EFCAB8: variants seen among roughly 807,000 people sequenced by gnomAD.
The protein encoded by EFCAB8 is EF-hand calcium binding domain 8.
In EFCAB8, 100 loss-of-function variants were observed where a neutral mutation model predicts 116.3. The ratio of observed to expected loss-of-function variants is 0.86; its 90% CI spans 0.73 to 1.02. The LOEUF (loss-of-function observed/expected upper bound fraction) is 1.02. Ranked by LOEUF, EFCAB8 falls within the 50% of genes least tolerant of loss-of-function variation. EFCAB8 has a pLI of 0.00. For synonymous variants in EFCAB8, 558 were observed against 567.9 expected (o/e 0.98, Z 0.25); for missense variants, 1,320 against 1,416.9 (o/e 0.93, Z 1.10).
intron 15 of EFCAB8, among the ~76,000 whole-genome samples, chr20:32,910,894 C>A (rs1315923362): frequency 1.3e-5 from 2 of 151,916 alleles, no homozygotes; most frequent in Non-Finnish European, 2.9e-5. Flanking sequence ...TGCACCACCA[C>A]CCCCAGCTAA....
chr20:32,872,403 T>A (rs187563558), intron 3 of EFCAB8, among the ~76,000 whole-genome samples: 7 of 152,264 alleles, frequency 4.6e-5, no homozygotes, highest in South Asian at 4.1e-4. Context: ...CCAATGTTTG[T>A]TGAAGCCAGG....
chr20:32,943,399 AAAGTAAATGC>A (rs1159755026), intron 22 of EFCAB8, among the ~76,000 whole-genome samples: 1 of 152,240 alleles, frequency 6.6e-6, no homozygotes, highest in Non-Finnish European at 1.5e-5. Flanking sequence ...GAATTTTGAG[AAAGTAAATGC>A]AAGTTCTTTT....
intron 23 of EFCAB8, among the ~76,000 whole-genome samples, chr20:32,945,796 T>C (rs1988578872): frequency 6.6e-6 from 1 of 152,202 alleles, no homozygotes; most frequent in Non-Finnish European, 1.5e-5. Context: ...CCCCAATCTT[T>C]TTTGTGGATA....
intron 8 of EFCAB8, among the ~76,000 whole-genome samples, chr20:32,892,608 G>C (rs1255530164): frequency 6.6e-6 from 1 of 152,168 alleles, no homozygotes; most frequent in East Asian, 1.9e-4. Flanking sequence ...TGCGAGGGGT[G>C]ACTTAACAAA....
In EFCAB8 at chr20:32,939,574, C is replaced by T. The variant is rs1360809482; in HGVS notation, c.2791-4062C>T. Among the ~76,000 whole-genome samples the T allele has an allele frequency of 2.6e-4, 38 of 147,556 alleles. 2 individuals are homozygous for T. Among genetic ancestry groups the T allele is most frequent in the African/African-American group, 8.1e-4 (32 of 39,566 alleles). On this transcript the variant is annotated intron_variant, in intron 22 of 26. Transcript: ENST00000400522. Reference sequence around the variant, plus strand: ...CTTGGATTGCAGGCATGAGCCACCTCGCCTGGCGGGCTGGCTTTCTTTTCT... The same window carrying T: ...CTTGGATTGCAGGCATGAGCCACCTTGCCTGGCGGGCTGGCTTTCTTTTCT...
In EFCAB8 at chr20:32,887,880, C is replaced by T. The variant is rs116473995; in HGVS notation, c.568-1421C>T. Among the ~76,000 whole-genome samples, 620 of 152,292 alleles carry T rather than the reference C, an allele frequency of 4.1e-3. 5 individuals carry two copies. The highest frequency in any genetic ancestry group is 0.014 in the African/African-American group (600 of 41,558). ...CTCGCAACTTTGCAGAACAAATTAT[C>T]GGTTAGTAAGCCAATTTGACCAGGT... is the stretch of plus-strand genomic sequence containing the variant. On this transcript the variant is annotated intron_variant, in intron 6 of 26. Coordinates refer to ENST00000400522, the MANE Select transcript of EFCAB8 (RefSeq NM_001143967.2).
At chr20:32,906,762 C>A in intron 12 of EFCAB8, 81 bp from the exon 13 acceptor site, 2 of 768,126 alleles carry the variant, frequency 2.6e-6, no homozygotes, top group Non-Finnish European at 4.6e-6. Flanking sequence ...CTCTTGTCCC[C>A]ACTTCTGGGC....
chr20:32,908,535 ACT>A, intron 14 of EFCAB8, 123 bp downstream of exon 14: 1 of 1,076,396 alleles, frequency 9.3e-7, no homozygotes, highest in Non-Finnish European at 1.2e-6. Context: ...AAGCGGCTAG[ACT>A]CTGTGGCCTG....
chr20:32,921,361 T>TTG (rs71858676), intron 20 of EFCAB8, among the ~76,000 whole-genome samples: 4,805 of 129,206 alleles, frequency 0.037, 183 homozygotes, highest in African/African-American at 0.13. Context: ...CCCAGCTATT[T>TTG]TGTGTGTGTG....
chr20:32,913,125 C>T (rs573815502), intron 17 of EFCAB8, among the ~76,000 whole-genome samples: 1 of 152,288 alleles, frequency 6.6e-6, no homozygotes, highest in Non-Finnish European at 1.5e-5. Context: ...GTATCTATTT[C>T]AGTGGGGGAA....
At chr20:32,878,508 CTTTTTTTTTTTT>C (rs1292839813) in intron 4 of EFCAB8, among the ~76,000 whole-genome samples, 184 bp from the exon 5 acceptor site, 1 of 116,652 alleles carries the variant, frequency 8.6e-6, no homozygotes, top group Non-Finnish European at 1.8e-5. Context: ...GGCTTGAGTT[CTTTTTTTTTTTT>C]TTTTTTTTGA....
intron 8 of EFCAB8, 114 bp from the exon 9 acceptor site, chr20:32,893,060 C>T (rs1010926132): frequency 3.2e-5 from 42 of 1,313,910 alleles, no homozygotes; most frequent in East Asian, 1.6e-4. Context: ...AGGCTGGTCT[C>T]GAACTCCTGA....
rs1013843236 is a variant in EFCAB8 at position 32,867,466 on chromosome 20, A to G, written c.43-116A>G. Reference sequence around the variant, plus strand: ...ATTCTGTATTTCTGTCAGTGACATCATAACACTACTTACCTTGTTCTTTCT... The same window carrying G: ...ATTCTGTATTTCTGTCAGTGACATCGTAACACTACTTACCTTGTTCTTTCT... On this transcript the variant is annotated intron_variant, in intron 2 of 26. Coordinates refer to ENST00000400522, the MANE Select transcript of EFCAB8 (RefSeq NM_001143967.2). The G allele has an allele frequency of 9.5e-6, 11 of 1,160,338 alleles. No homozygotes were observed. The African/African-American group carries it at 1.3e-4, about 13-fold the overall frequency. 71.9% of individuals were successfully genotyped at this position (1,160,338 alleles called of 1,614,324 possible). A position where few individuals can be genotyped will look rare whatever the true frequency, so the allele number is the denominator to read the frequency against.
intron 14 of EFCAB8, among the ~76,000 whole-genome samples, chr20:32,909,546 T>C (rs1003919439): frequency 6.6e-6 from 1 of 151,948 alleles, no homozygotes; most frequent in Middle Eastern, 3.2e-3. Flanking sequence ...CTTCAGCTTC[T>C]CAGAAGTTAT....
At chr20:32,947,155 G>A (rs1988621175) in intron 23 of EFCAB8, among the ~76,000 whole-genome samples, 1 of 152,120 alleles carries the variant, frequency 6.6e-6, no homozygotes, top group South Asian at 2.1e-4. Flanking sequence ...TATGGTAAGT[G>A]TATTGAAACT....
rs375769937 is a variant in EFCAB8 at position 32,961,289 on chromosome 20, C to T, written c.3547C>T (p.Gln1183Ter). ...VQKDLVPSRE[Q>*]AVLDTTDSTP... ...GAAGGACCTGGTGCCCAGCAGGGAG[C>T]AGGCTGTGCTGGATACCACGGACAG... The change falls in exon 27 of 27, where the codon CAG becomes TAG. Residue 1183 changes from glutamine (Q) to a stop codon, truncating the protein, a stop_gained. Transcript: ENST00000400522. LOFTEE classifies it low-confidence loss of function (END_TRUNC). 5.8e-5 allele frequency: 90 copies of T among 1,547,742 alleles called. No homozygotes were observed. The highest frequency in any genetic ancestry group is 1.3e-5 in the Non-Finnish European group (15 of 1,145,044).
At position 32,896,465 on chromosome 20, in the gene EFCAB8, A is replaced by G; in HGVS notation, c.895A>G (p.Lys299Glu). Residue 299 changes from lysine (K) to glutamate (E), a missense_variant, in exon 10 of 27, where the codon AAA becomes GAA. By Grantham distance (56) the Lys-to-Glu change is moderately conservative. Coordinates refer to ENST00000400522, the MANE Select transcript of EFCAB8 (RefSeq NM_001143967.2). Reference protein sequence around the residue: ...PRASKWDHWIKVSLQKLLNEK... With the variant: ...PRASKWDHWIEVSLQKLLNEK... ...TTTTCCCCTATCAGATCACTGGATCAAAGTTTCCTTGCAGAAACTCTTAAA... is the reference window on the plus strand; with the variant it reads ...TTTTCCCCTATCAGATCACTGGATCGAAGTTTCCTTGCAGAAACTCTTAAA... 1.4e-6 allele frequency: 1 copy of G among 719,008 alleles called. No homozygotes were observed. Among genetic ancestry groups the G allele is most frequent in the Non-Finnish European group, 2.6e-6 (1 of 385,170 alleles). The allele number at this position is 719,008 out of a possible 1,614,324, so 44.5% of individuals were successfully genotyped here.
Position 32,908,330 on chromosome 20 carries a change from A to G in EFCAB8, c.1364A>G (p.Lys455Arg). ...DYICLQSFCG[K>R]FFALGNCPIT... ...ATATGCCTCCAGTCCTTCTGTGGGA[A>G]GTTTTTTGCTCTGGGAAACTGCCCC... The change falls in exon 14 of 27, where the codon AAG (lysine) becomes AGG (arginine). Residue 455 changes from lysine to arginine, a missense_variant. Coordinates refer to ENST00000400522, the MANE Select transcript of EFCAB8 (RefSeq NM_001143967.2). The G allele has an allele frequency of 1.6e-6, 2 of 1,249,838 alleles. No individual in the cohort carries two copies. The highest frequency in any genetic ancestry group is 1.0e-6 in the Non-Finnish European group (1 of 988,242). 77.4% of individuals were successfully genotyped at this position (1,249,838 alleles called of 1,614,324 possible). A position where few individuals can be genotyped will look rare whatever the true frequency, so the allele number is the denominator to read the frequency against.
In EFCAB8 at chr20:32,860,183, C is replaced by A. The variant is rs374011117; in HGVS notation, c.-11+1177C>A. On this transcript the variant is annotated intron_variant, in intron 1 of 26. Coordinates refer to ENST00000400522, the MANE Select transcript of EFCAB8 (RefSeq NM_001143967.2). ...GTTAGCTGGGCATGGTGGCGTGCAC[C>A]TATAATCCCAGCTACTGAGGAGGCT... is the stretch of plus-strand genomic sequence containing the variant. 2.1e-4 allele frequency among the ~76,000 whole-genome samples: 32 copies of A among 152,024 alleles called. 1 individual carries two copies. Among genetic ancestry groups the A allele is most frequent in the Non-Finnish European group, 3.7e-4 (25 of 67,992 alleles).
Sources: allele counts gnomAD v4.1 joint callset (sites outside exome capture counted in the v4.1 genomes callset), GRCh38; gene constraint gnomAD v4.1.1; transcripts MANE v1.5; gene names NCBI Gene and HGNC (gene_info 2026-07-23, HGNC 2026-07-21).